B3GAT2: variants seen among roughly 807,000 people sequenced by gnomAD.
B3GAT2 encodes the protein beta-1,3-glucuronyltransferase 2.
Under a neutral mutation model 27.8 loss-of-function variants are expected in B3GAT2, and 26 were observed. The observed-to-expected ratio is 0.93, with a 90% CI of 0.68 to 1.30. The LOEUF (loss-of-function observed/expected upper bound fraction) is 1.30, where lower values mean the gene tolerates loss of function less well. Ranked by LOEUF, B3GAT2 falls within the 50% of genes most tolerant of loss-of-function variation. The pLI, the probability that B3GAT2 is intolerant of heterozygous loss-of-function variation, is 0.00. For synonymous variants in B3GAT2, 218 were observed against 195.1 expected (o/e 1.12, Z -0.98); for missense variants, 458 against 459.0 (o/e 1.00, Z 0.02).
chr6:70,930,583 A>T (rs539636825), intron 1 of B3GAT2, among the ~76,000 whole-genome samples: 6 of 152,242 alleles, frequency 3.9e-5, no homozygotes, highest in Non-Finnish European at 7.3e-5. Context: ...ACACACGAAA[A>T]AATGCTCATC....
chr6:70,884,993 A>G (rs1487601973), intron 2 of B3GAT2, among the ~76,000 whole-genome samples: 1 of 152,226 alleles, frequency 6.6e-6, no homozygotes. Context: ...CCAAAGAGAG[A>G]AGTGGTCTGC....
At position 70,860,571 on chromosome 6, in the gene B3GAT2, A is replaced by G. The variant is rs1205068968; in HGVS notation, c.*1092T>C. 11 of 447,194 alleles carry G rather than the reference A, an allele frequency of 2.5e-5. No homozygotes were observed. Among genetic ancestry groups the G allele is most frequent in the Non-Finnish European group, 3.9e-5 (10 of 259,288 alleles). The allele number at this position is 447,194 out of a possible 1,614,324, so 27.7% of individuals were successfully genotyped here. Reference sequence around the variant, plus strand: ...GCTCATATTTCCCATGATTTCATGTACTGCATTATTTGAGAAGCTGCTCAA... The same window carrying G: ...GCTCATATTTCCCATGATTTCATGTGCTGCATTATTTGAGAAGCTGCTCAA... On this transcript the variant is annotated 3_prime_UTR_variant, in exon 4 of 4. Coordinates refer to ENST00000230053, the MANE Select transcript of B3GAT2 (RefSeq NM_080742.3).
At position 70,859,296 on chromosome 6, in the gene B3GAT2, C is replaced by G. The variant is rs1771588084; in HGVS notation, c.*2367G>C. On this transcript the variant is annotated 3_prime_UTR_variant, in exon 4 of 4. Coordinates refer to ENST00000230053, the MANE Select transcript of B3GAT2 (RefSeq NM_080742.3). ...GCTCAGGTTAAGGTGCTAGATGAAC[C>G]AGGAAGGAGTTAATACTGGCTCTTA... 3 of 1,490,846 alleles carry G rather than the reference C, an allele frequency of 2.0e-6. No homozygotes were observed. The highest frequency in any genetic ancestry group is 2.5e-5 in the East Asian group (1 of 40,110). 92.4% of individuals were successfully genotyped at this position (1,490,846 alleles called of 1,614,324 possible).
At chr6:70,904,228 G>A (rs569345782) in intron 1 of B3GAT2, among the ~76,000 whole-genome samples, 9 of 152,290 alleles carry the variant, frequency 5.9e-5, no homozygotes, top group African/African-American at 2.2e-4. Flanking sequence ...GAGGCTGAAA[G>A]AGGGCTGACT....
intron 1 of B3GAT2, among the ~76,000 whole-genome samples, chr6:70,933,468 C>T (rs1410403754): frequency 1.3e-5 from 2 of 152,144 alleles, no homozygotes; most frequent in African/African-American, 2.4e-5. Flanking sequence ...ACTCTGATGA[C>T]TGTCATCAGA....
At chr6:70,905,854 A>G (rs1772592402) in intron 1 of B3GAT2, among the ~76,000 whole-genome samples, 1 of 151,706 alleles carries the variant, frequency 6.6e-6, no homozygotes, top group Non-Finnish European at 1.5e-5. Context: ...TTTCTTCTTA[A>G]AAAAATATGG....
Position 70,956,782 on chromosome 6 carries a change from G to A in B3GAT2, c.-353C>T. ...ATCCCCACCGCGCTCTTTCTGAAGA[G>A]TGGAAGCCGAGAAGCGGCACCCGGT... is the stretch of plus-strand genomic sequence containing the variant. On this transcript the variant is annotated 5_prime_UTR_variant, in exon 1 of 4. Transcript: ENST00000230053. 2 of 1,123,916 alleles carry A rather than the reference G, an allele frequency of 1.8e-6. No homozygotes were observed. The highest frequency in any genetic ancestry group is 2.2e-6 in the Non-Finnish European group (2 of 917,994). The allele number at this position is 1,123,916 out of a possible 1,614,324, so 69.6% of individuals were successfully genotyped here.
At chr6:70,889,210 A>C (rs1365884762) in intron 2 of B3GAT2, among the ~76,000 whole-genome samples, 1 of 152,052 alleles carries the variant, frequency 6.6e-6, no homozygotes, top group Non-Finnish European at 1.5e-5. Flanking sequence ...TGTCCATCTA[A>C]GGTCTTGATC....
chr6:70,924,110 A>C (rs1046073294), intron 1 of B3GAT2, among the ~76,000 whole-genome samples: 2 of 152,174 alleles, frequency 1.3e-5, no homozygotes, highest in Non-Finnish European at 2.9e-5. Flanking sequence ...ACAAAATTGC[A>C]CTTGTAACCC....
intron 1 of B3GAT2, among the ~76,000 whole-genome samples, chr6:70,914,446 T>C (rs1261879417): frequency 1.3e-5 from 2 of 152,238 alleles, no homozygotes; most frequent in African/African-American, 4.8e-5. Flanking sequence ...TCCATGTACC[T>C]ACAAAGGATA....
Position 70,865,585 on chromosome 6 carries a change from T to TAGC in B3GAT2, c.737-3610_737-3608dup, listed in dbSNP as rs1771836651. Among the ~76,000 whole-genome samples, 3 of 152,248 alleles carry TAGC rather than the reference T, an allele frequency of 2.0e-5. No individual in the cohort carries two copies. In the South Asian group the frequency reaches 6.2e-4, roughly 32 times the overall value. The stretch of plus-strand genomic sequence containing the variant: ...GAGCGTCCATGGATTTTGGTATGAG[T>TAGC]AGCAGTCCTGAAACCAATTCCCTAT... On this transcript the variant is annotated intron_variant, in intron 2 of 3. Coordinates refer to ENST00000230053, the MANE Select transcript of B3GAT2 (RefSeq NM_080742.3).
chr6:70,915,919 GT>G (rs1283328548), intron 1 of B3GAT2, among the ~76,000 whole-genome samples: 3 of 152,184 alleles, frequency 2.0e-5, no homozygotes, highest in Non-Finnish European at 2.9e-5. Context: ...CTTTAAAGTA[GT>G]TTTTTTCCAA....
intron 2 of B3GAT2, among the ~76,000 whole-genome samples, chr6:70,885,883 C>A (rs1463960507): frequency 1.3e-5 from 2 of 152,144 alleles, no homozygotes; most frequent in Non-Finnish European, 1.5e-5. Context: ...CAGAGCAGGA[C>A]CCAAGGATGA....
chr6:70,923,197 G>T (rs1004876304), intron 1 of B3GAT2, among the ~76,000 whole-genome samples: 3 of 152,116 alleles, frequency 2.0e-5, no homozygotes, highest in African/African-American at 2.4e-5. Context: ...GTAAACAGTG[G>T]AAACTCTTTT....
rs1164382649 is a variant in B3GAT2, at chr6:70,860,882, A to T, written c.*781T>A. 7 of 392,470 alleles carry T rather than the reference A, an allele frequency of 1.8e-5. No individual in the cohort carries two copies. The highest frequency in any genetic ancestry group is 2.7e-5 in the Non-Finnish European group (6 of 222,368). The allele number at this position is 392,470 out of a possible 1,614,324, so 24.3% of individuals were successfully genotyped here. On this transcript the variant is annotated 3_prime_UTR_variant, in exon 4 of 4. Transcript: ENST00000230053. The stretch of plus-strand genomic sequence containing the variant: ...AACAGGGAACGTGATTAGTGAAAGG[A>T]AGATAAACGTGGATGTTACTCCAAA...
intron 2 of B3GAT2, among the ~76,000 whole-genome samples, chr6:70,888,155 C>T (rs968644228): frequency 2.6e-5 from 4 of 151,804 alleles, no homozygotes; most frequent in East Asian, 1.9e-4. Context: ...CTTTCAGCCT[C>T]GACACCCTCC....
chr6:70,876,467 T>C (rs1022569570), intron 2 of B3GAT2, among the ~76,000 whole-genome samples: 2 of 152,178 alleles, frequency 1.3e-5, no homozygotes, highest in African/African-American at 4.8e-5. Flanking sequence ...CCATCTACTA[T>C]TAAAGTGACT....
At chr6:70,954,179 G>A (rs1291353565) in intron 1 of B3GAT2, among the ~76,000 whole-genome samples, 10 of 152,230 alleles carry the variant, frequency 6.6e-5, no homozygotes, top group Admixed American at 2.6e-4. Context: ...AAATTGTGGT[G>A]CATTGAAATG....
intron 2 of B3GAT2, among the ~76,000 whole-genome samples, chr6:70,892,271 A>G (rs1225932976): frequency 6.6e-6 from 1 of 152,234 alleles, no homozygotes; most frequent in Non-Finnish European, 1.5e-5. Context: ...GCCAGCCCTA[A>G]TGCACAAACA....
Sources: gnomAD v4.1 joint callset for allele counts (sites outside exome capture counted in the v4.1 genomes callset) on GRCh38, gnomAD v4.1.1 for gene constraint, MANE v1.5 for transcripts, NCBI Gene and HGNC (gene_info 2026-07-23, HGNC 2026-07-21) for gene names.